Variants in RTL4 observed in about 807,000 individuals in gnomAD.
The protein encoded by RTL4 is retrotransposon Gag like 4, also known as retrotransposon Gag-like protein 4.
In RTL4, 4 loss-of-function variants were observed where a neutral mutation model predicts 5.3. The ratio of observed to expected loss-of-function variants is 0.75; its 90% CI spans 0.37 to 1.72. The LOEUF (loss-of-function observed/expected upper bound fraction) is 1.72, where lower values mean the gene tolerates loss of function less well. RTL4 is among the 40% of genes most tolerant of loss of function. The pLI is 0.04. For missense variants in RTL4, 260 were observed against 227.1 expected, an observed-to-expected ratio of 1.14 and a Z score of -0.93; for synonymous variants, 98 against 87.3, an observed-to-expected ratio of 1.12 and a Z score of -0.68.
At chrX:112,212,028 C>G in the RTL4 span, among the ~76,000 whole-genome samples, 4 of 112,218 alleles carry the variant, frequency 3.6e-5, no homozygotes, top group African/African-American at 1.3e-4. Flanking sequence ...ATTATCTCAC[C>G]TGTAAACTAG....
the RTL4 span, among the ~76,000 whole-genome samples, chrX:112,179,387 A>T: frequency 1.8e-5 from 2 of 111,162 alleles, no homozygotes; most frequent in Non-Finnish European, 3.8e-5. Context: ...AAAAAAACCA[A>T]GTAGTTTTGT....
At chrX:112,410,846 A>T in the RTL4 span, among the ~76,000 whole-genome samples, 2 of 111,879 alleles carry the variant, frequency 1.8e-5, no homozygotes, top group Non-Finnish European at 3.8e-5. Flanking sequence ...AGGACAAACC[A>T]AAATCATTAT....
At chrX:112,251,434 C>T in the RTL4 span, among the ~76,000 whole-genome samples, 27 of 111,079 alleles carry the variant, frequency 2.4e-4, no homozygotes, top group East Asian at 6.5e-3. Flanking sequence ...TGGTGTGGGC[C>T]CTGTTTATAT....
the RTL4 span, among the ~76,000 whole-genome samples, chrX:112,339,601 T>C: frequency 1.2e-4 from 13 of 112,306 alleles, no homozygotes; most frequent in South Asian, 7.3e-4. Context: ...TAAGCATGAG[T>C]GATTCTCAAA....
chrX:112,135,895 CATAT>C, the RTL4 span, among the ~76,000 whole-genome samples: 1,350 of 103,733 alleles, frequency 0.013, 23 homozygotes, highest in African/African-American at 0.044. Context: ...ATAATACATA[CATAT>C]ATATATATAT....
At chrX:112,382,025 C>T in the RTL4 span, 467 of 1,206,873 alleles carry the variant, frequency 3.9e-4, 2 homozygotes, top group African/African-American at 7.6e-3. Flanking sequence ...GCTAATTGAG[C>T]AAGCCCAGAA....
chrX:112,303,189 TC>T, the RTL4 span, among the ~76,000 whole-genome samples: 2 of 112,016 alleles, frequency 1.8e-5, no homozygotes, highest in Non-Finnish European at 3.8e-5. Flanking sequence ...CAATGTATGT[TC>T]ATTGCAGTTT....
At chrX:112,123,067 T>A in the RTL4 span, among the ~76,000 whole-genome samples, 1 of 111,699 alleles carries the variant, frequency 9.0e-6, no homozygotes, top group Non-Finnish European at 1.9e-5. Context: ...GCAGTTCAAG[T>A]TGCAATACAC....
At chrX:112,262,303 G>T in the RTL4 span, among the ~76,000 whole-genome samples, 5 of 111,788 alleles carry the variant, frequency 4.5e-5, no homozygotes, top group Non-Finnish European at 9.4e-5. Context: ...ATCTGACAAA[G>T]GGCTAATATC....
At chrX:112,434,289 A>T in the RTL4 span, among the ~76,000 whole-genome samples, 1 of 109,058 alleles carries the variant, frequency 9.2e-6, no homozygotes, top group African/African-American at 3.3e-5. Flanking sequence ...TATTGATTGG[A>T]ATAGTTTCAG....
At chrX:112,265,877 A>G in the RTL4 span, among the ~76,000 whole-genome samples, 2 of 109,532 alleles carry the variant, frequency 1.8e-5, no homozygotes, top group South Asian at 8.1e-4. Flanking sequence ...CCTTCACTCT[A>G]GAACTATAAT....
the RTL4 span, among the ~76,000 whole-genome samples, chrX:112,296,816 A>G: frequency 9.6e-6 from 1 of 104,131 alleles, no homozygotes; most frequent in Non-Finnish European, 2.0e-5. Flanking sequence ...ACGGGGTTTC[A>G]CCGTGTTAGC....
At chrX:112,309,859 C>G in the RTL4 span, among the ~76,000 whole-genome samples, 2 of 99,400 alleles carry the variant, frequency 2.0e-5, no homozygotes, top group South Asian at 4.3e-4. Flanking sequence ...TATATACACA[C>G]ACATATATAC....
the RTL4 span, among the ~76,000 whole-genome samples, chrX:112,191,308 T>A: frequency 8.9e-6 from 1 of 111,790 alleles, no homozygotes; most frequent in Admixed American, 9.5e-5. Context: ...GACATACATG[T>A]GCCACGGACA....
the RTL4 span, among the ~76,000 whole-genome samples, chrX:112,101,614 A>G: frequency 9.0e-6 from 1 of 111,531 alleles, no homozygotes; most frequent in Non-Finnish European, 1.9e-5. Context: ...AATCAAGAAT[A>G]TAAGAAAAAA....
At chrX:112,292,476 T>C in the RTL4 span, among the ~76,000 whole-genome samples, 1 of 111,926 alleles carries the variant, frequency 8.9e-6, no homozygotes, top group African/African-American at 3.2e-5. Flanking sequence ...TGAATATCCA[T>C]GTGCCTCCAT....
At chrX:112,269,989 G>A in the RTL4 span, among the ~76,000 whole-genome samples, 1 of 112,305 alleles carries the variant, frequency 8.9e-6, no homozygotes, top group Non-Finnish European at 1.9e-5. Context: ...TTATGGAGAA[G>A]GATAATTAGA....
At chrX:112,279,578 T>C in the RTL4 span, among the ~76,000 whole-genome samples, 1 of 110,772 alleles carries the variant, frequency 9.0e-6, no homozygotes, top group Non-Finnish European at 1.9e-5. Flanking sequence ...TACTGAAGGA[T>C]ATAGTCCACC....
chrX:112,455,503 C>G, exon 1 of RTL4: 1 of 1,211,533 alleles, frequency 8.3e-7, no homozygotes, highest in Non-Finnish European at 1.1e-6. Context: ...GCCTATACAG[C>G]TGCGAGAAGG....
Sources: gnomAD v4.1 joint callset for allele counts (sites outside exome capture counted in the v4.1 genomes callset) on GRCh38, gnomAD v4.1.1 for gene constraint, MANE v1.5 for transcripts, NCBI Gene and HGNC (gene_info 2026-07-23, HGNC 2026-07-21) for gene names.